LRRC7: variants seen among roughly 807,000 people sequenced by gnomAD.
LRRC7 encodes leucine rich repeat containing 7, also known as leucine-rich repeat-containing protein 7.
Under a neutral mutation model 175.7 loss-of-function variants are expected in LRRC7, and 23 were observed. The observed-to-expected ratio is 0.13, with a 90% confidence interval of 0.09 to 0.19. The LOEUF is 0.19. LRRC7 is among the 10% of genes least tolerant of loss of function. The pLI, the probability that LRRC7 is intolerant of heterozygous loss-of-function variation, is 1.00. For missense variants in LRRC7, 1,354 were observed against 1,904.7 expected, an observed-to-expected ratio of 0.71 and a Z score of 5.38; for synonymous variants, 685 against 680.9, an observed-to-expected ratio of 1.01 and a Z score of -0.09.
At chr1:70,105,706 TTTG>T (rs1665097829) in intron 25 of LRRC7, among the ~76,000 whole-genome samples, 1 of 152,182 alleles carries the variant, frequency 6.6e-6, no homozygotes. Flanking sequence ...GTTTGTAATT[TTTG>T]TTATTATAAA....
rs551726376 is a variant in LRRC7 at position 69,687,520 on chromosome 1, CAAA to C, written c.100+9058_100+9060del. On this transcript the variant is annotated intron_variant, in intron 2 of 26. Coordinates refer to ENST00000651989, the MANE Select transcript of LRRC7 (RefSeq NM_001370785.2). ...GCAAGACTCCATCTCAAGAAAAAAC[CAAA>C]AAAAAAAAAAAAAAAGAAAAAAGAA... Among the ~76,000 whole-genome samples the C allele has an allele frequency of 2.0e-4, 19 of 96,884 alleles. No individual in the cohort carries two copies. In the East Asian group the frequency reaches 5.5e-3, roughly 28 times the overall value. The allele number at this position is 96,884 out of a possible 152,430, so 63.6% of individuals were successfully genotyped here.
chr1:69,861,178 A>G (rs1684321445), intron 7 of LRRC7, among the ~76,000 whole-genome samples: 1 of 152,120 alleles, frequency 6.6e-6, no homozygotes, highest in East Asian at 1.9e-4. Flanking sequence ...AGCATTTTTA[A>G]ATAGAAAAGT....
intron 23 of LRRC7, among the ~76,000 whole-genome samples, chr1:70,075,719 C>T (rs950355555): frequency 6.6e-6 from 1 of 152,168 alleles, no homozygotes; most frequent in Admixed American, 6.5e-5. Context: ...CTCTGTAACT[C>T]TCTGGTATAT....
At chr1:69,754,082 G>T (rs1334061372) in intron 2 of LRRC7, among the ~76,000 whole-genome samples, 6 of 152,000 alleles carry the variant, frequency 3.9e-5, no homozygotes, top group Non-Finnish European at 7.4e-5. Context: ...TGTGCAATGG[G>T]GCTGGGTGTG....
intron 2 of LRRC7, among the ~76,000 whole-genome samples, chr1:69,706,889 C>T (rs1212322095): frequency 1.3e-5 from 2 of 152,132 alleles, no homozygotes; most frequent in African/African-American, 4.8e-5. Context: ...TCAAGTGGTT[C>T]CTACTTTGTA....
intron 1 of LRRC7, among the ~76,000 whole-genome samples, chr1:69,669,154 T>C (rs1164386571): frequency 6.6e-6 from 1 of 152,222 alleles, no homozygotes; most frequent in African/African-American, 2.4e-5. Flanking sequence ...TCTGTGTCCT[T>C]ACTATTACCA....
chr1:69,896,094 T>A (rs2101655062), intron 7 of LRRC7, among the ~76,000 whole-genome samples: 1 of 152,268 alleles, frequency 6.6e-6, no homozygotes, highest in South Asian at 2.1e-4. Context: ...TGATAGTGAC[T>A]AAAAGGGTGC....
At chr1:69,963,316 A>G (rs535665973) in intron 8 of LRRC7, among the ~76,000 whole-genome samples, 3 of 151,552 alleles carry the variant, frequency 2.0e-5, no homozygotes, top group East Asian at 3.9e-4. Context: ...AAAAAAAAAA[A>G]AAAGAAAGAA....
intron 1 of LRRC7, among the ~76,000 whole-genome samples, chr1:69,665,982 G>A (rs540506993): frequency 6.6e-6 from 1 of 152,064 alleles, no homozygotes; most frequent in Admixed American, 6.5e-5. Flanking sequence ...CTTTTGTTAT[G>A]TTGAGGTATG....
intron 4 of LRRC7, among the ~76,000 whole-genome samples, chr1:69,806,535 T>C (rs1677134771): frequency 6.6e-6 from 1 of 151,958 alleles, no homozygotes; most frequent in African/African-American, 2.4e-5. Context: ...GTCTTGCCTA[T>C]TTTTTCTTCT....
At chr1:69,736,575 T>G (rs952112138) in intron 2 of LRRC7, among the ~76,000 whole-genome samples, 6 of 152,138 alleles carry the variant, frequency 3.9e-5, no homozygotes, top group South Asian at 4.1e-4. Flanking sequence ...TTCTGAGAGA[T>G]AAAAATTTTT....
chr1:69,644,989 T>G (rs983948594), intron 1 of LRRC7, among the ~76,000 whole-genome samples: 2 of 151,862 alleles, frequency 1.3e-5, no homozygotes, highest in Non-Finnish European at 2.9e-5. Flanking sequence ...TTAATAAGAG[T>G]ACCTACAAAA....
At chr1:69,946,248 T>G (rs1649297662) in intron 8 of LRRC7, among the ~76,000 whole-genome samples, 1 of 152,172 alleles carries the variant, frequency 6.6e-6, no homozygotes, top group African/African-American at 2.4e-5. Flanking sequence ...ATTTTTATCC[T>G]TCATTCTGTT....
At chr1:69,744,179 A>G (rs887969979) in intron 2 of LRRC7, among the ~76,000 whole-genome samples, 2 of 151,860 alleles carry the variant, frequency 1.3e-5, no homozygotes, top group African/African-American at 2.4e-5. Flanking sequence ...AGTGACTACT[A>G]TACATTATCT....
chr1:69,891,681 G>A (rs993916940), intron 7 of LRRC7, among the ~76,000 whole-genome samples: 1 of 152,036 alleles, frequency 6.6e-6, no homozygotes, highest in South Asian at 2.1e-4. Context: ...GCAGTGAGCC[G>A]AGATCATGAC....
At chr1:69,600,370 G>A (rs1472386084) in intron 1 of LRRC7, among the ~76,000 whole-genome samples, 1 of 152,032 alleles carries the variant, frequency 6.6e-6, no homozygotes, top group Non-Finnish European at 1.5e-5. Flanking sequence ...GGCTCCTCTT[G>A]GCTCTGACAG....
At position 69,889,322 on chromosome 1, in the gene LRRC7, C is replaced by A. The variant is rs113452068; in HGVS notation, c.648-42185C>A. ...CTAGAACATCTTTCTCTTTAAGATG[C>A]TAAGATTTCTCTGTAGCATGTGATG... is the stretch of plus-strand genomic sequence containing the variant. On this transcript the variant is annotated intron_variant, in intron 7 of 26. Coordinates refer to ENST00000651989, the MANE Select transcript of LRRC7 (RefSeq NM_001370785.2). Among the ~76,000 whole-genome samples, 224 of 152,300 alleles carry A rather than the reference C, an allele frequency of 1.5e-3. 1 individual carries two copies. The highest frequency in any genetic ancestry group is 5.1e-3 in the African/African-American group (211 of 41,568).
At chr1:69,988,215 T>C (rs531785346) in intron 10 of LRRC7, among the ~76,000 whole-genome samples, 6 of 152,286 alleles carry the variant, frequency 3.9e-5, no homozygotes, top group Non-Finnish European at 5.9e-5. Context: ...GACTCCTCAG[T>C]GCCAAGAACT....
chr1:69,826,990 C>G (rs1216209034), intron 5 of LRRC7, among the ~76,000 whole-genome samples: 3 of 151,964 alleles, frequency 2.0e-5, no homozygotes, highest in Non-Finnish European at 4.4e-5. Context: ...GTGAAATAAT[C>G]TGAGGCCTTT....
Sources: gnomAD v4.1 joint callset for allele counts (sites outside exome capture counted in the v4.1 genomes callset) on GRCh38, gnomAD v4.1.1 for gene constraint, MANE v1.5 for transcripts, NCBI Gene and HGNC (gene_info 2026-07-23, HGNC 2026-07-21) for gene names.